GALNTL6: variants seen among roughly 807,000 people sequenced by gnomAD.
The protein encoded by GALNTL6 is polypeptide N-acetylgalactosaminyltransferase-like 6.
In GALNTL6, 46 loss-of-function variants were observed where a neutral mutation model predicts 73.7. That is an observed-to-expected ratio of 0.62 (90% CI 0.49 to 0.80). The LOEUF (loss-of-function observed/expected upper bound fraction) is 0.80, where lower values mean the gene tolerates loss of function less well. Among genes scored for constraint, GALNTL6 ranks in the 30% least tolerant of loss-of-function variants. The pLI, the probability that GALNTL6 is intolerant of heterozygous loss-of-function variation, is 0.00. For missense variants in GALNTL6, 604 were observed against 755.0 expected (o/e 0.80, Z 2.34); for synonymous variants, 259 against 263.7 (o/e 0.98, Z 0.17).
intron 8 of GALNTL6, among the ~76,000 whole-genome samples, chr4:172,900,016 C>G (rs1746540576): frequency 6.6e-6 from 1 of 152,108 alleles, no homozygotes; most frequent in Non-Finnish European, 1.5e-5. Context: ...ATATCTTGTG[C>G]AGACTTCCCA....
intron 5 of GALNTL6, among the ~76,000 whole-genome samples, chr4:172,478,405 C>T (rs1733319510): frequency 6.6e-6 from 1 of 152,076 alleles, no homozygotes; most frequent in Non-Finnish European, 1.5e-5. Context: ...AAAACATGCA[C>T]TAGGGAAAGG....
Position 172,035,739 on chromosome 4 carries a change from C to T in GALNTL6, c.139-193917C>T, listed in dbSNP as rs1741912729. Among the ~76,000 whole-genome samples, 3 of 152,026 alleles carry T rather than the reference C, an allele frequency of 2.0e-5. No homozygotes were observed. In the South Asian group the frequency reaches 6.2e-4, roughly 32 times the overall value. On this transcript the variant is annotated intron_variant, in intron 2 of 12. Transcript: ENST00000506823. The stretch of plus-strand genomic sequence containing the variant: ...TTTCATATTTCATGAGTTCTATTTG[C>T]CTGACTTCAAAATGCCAAATGTGCC...
intron 5 of GALNTL6, among the ~76,000 whole-genome samples, chr4:172,648,530 T>G (rs1269659843): frequency 1.3e-5 from 2 of 152,146 alleles, no homozygotes; most frequent in African/African-American, 4.8e-5. Flanking sequence ...CTAAGGCTTA[T>G]CTTGCCCAAA....
chr4:172,364,723 G>T (rs1479403044), intron 5 of GALNTL6, among the ~76,000 whole-genome samples: 1 of 152,060 alleles, frequency 6.6e-6, no homozygotes, highest in African/African-American at 2.4e-5. Context: ...GTGTGTAGAG[G>T]AATCTGTCTC....
chr4:172,028,897 T>C (rs1741678183), intron 2 of GALNTL6, among the ~76,000 whole-genome samples: 1 of 152,092 alleles, frequency 6.6e-6, no homozygotes, highest in African/African-American at 2.4e-5. Flanking sequence ...CACATTTTTC[T>C]AACATGAATC....
intron 7 of GALNTL6, among the ~76,000 whole-genome samples, chr4:172,850,456 G>C (rs1246361861): frequency 1.3e-5 from 2 of 152,134 alleles, no homozygotes; most frequent in East Asian, 3.9e-4. Flanking sequence ...GTATTAGAAA[G>C]GGAAAAACAA....
intron 11 of GALNTL6, among the ~76,000 whole-genome samples, chr4:173,019,762 C>T (rs1463295748): frequency 1.3e-5 from 2 of 152,182 alleles, no homozygotes; most frequent in African/African-American, 4.8e-5. Flanking sequence ...TTGAGAAGGT[C>T]GCTGTTCACA....
chr4:172,909,337 C>T (rs866611271), intron 8 of GALNTL6, among the ~76,000 whole-genome samples: 26 of 121,452 alleles, frequency 2.1e-4, no homozygotes, highest in African/African-American at 7.2e-4. Context: ...AAGCAATCAA[C>T]GAAAAGGTTA....
Position 171,821,425 on chromosome 4 carries a change from G to T in GALNTL6, c.138+6707G>T, listed in dbSNP as rs547405278. Among the ~76,000 whole-genome samples, 14 of 152,082 alleles carry T rather than the reference G, an allele frequency of 9.2e-5. 1 individual carries two copies. The South Asian group carries it at 2.5e-3, about 27-fold the overall frequency. ...AATATCAGAATTTCTGTAGTATTGG[G>T]TCTTGTTCTCTTTTAGGTCAGAGTG... On this transcript the variant is annotated intron_variant, in intron 2 of 12. Coordinates refer to ENST00000506823, the MANE Select transcript of GALNTL6 (RefSeq NM_001034845.3).
chr4:171,990,373 A>G (rs1207956051), intron 2 of GALNTL6, among the ~76,000 whole-genome samples: 1 of 151,838 alleles, frequency 6.6e-6, no homozygotes, highest in Non-Finnish European at 1.5e-5. Context: ...AACTCAAGAG[A>G]AAGAAATTGG....
chr4:172,790,552 T>C (rs1240002447), intron 5 of GALNTL6, among the ~76,000 whole-genome samples: 2 of 152,050 alleles, frequency 1.3e-5, no homozygotes, highest in Non-Finnish European at 2.9e-5. Context: ...CTATGAGAAA[T>C]AAATGTCTGT....
chr4:171,923,827 T>TGTGTGTG (rs1560843047), intron 2 of GALNTL6, among the ~76,000 whole-genome samples: 31 of 149,338 alleles, frequency 2.1e-4, no homozygotes, highest in Admixed American at 6.1e-4. Context: ...TGTGTGTGTG[T>TGTGTGTG]TTGAAGTTCT....
intron 2 of GALNTL6, among the ~76,000 whole-genome samples, chr4:172,022,045 A>G (rs143276078): frequency 1.1e-3 from 160 of 152,100 alleles, no homozygotes; most frequent in African/African-American, 3.8e-3. Flanking sequence ...CTTGAGTAAT[A>G]CCCCACAAGC....
At chr4:171,921,317 A>G (rs1166858781) in intron 2 of GALNTL6, among the ~76,000 whole-genome samples, 2 of 152,134 alleles carry the variant, frequency 1.3e-5, no homozygotes, top group Non-Finnish European at 1.5e-5. Context: ...ATAAAAATAC[A>G]AAGTGTATTG....
chr4:172,056,967 A>C (rs1461013565), intron 2 of GALNTL6, among the ~76,000 whole-genome samples: 1 of 152,210 alleles, frequency 6.6e-6, no homozygotes, highest in Non-Finnish European at 1.5e-5. Context: ...TTAATGTTAC[A>C]ATATTTTTAA....
chr4:172,483,246 G>C (rs1422994214), intron 5 of GALNTL6, among the ~76,000 whole-genome samples: 1 of 152,116 alleles, frequency 6.6e-6, no homozygotes, highest in Admixed American at 6.5e-5. Context: ...GGTCAGGGGA[G>C]GGGATAAGGG....
At chr4:172,178,806 TC>T (rs1222876795) in intron 2 of GALNTL6, among the ~76,000 whole-genome samples, 1 of 77,754 alleles carries the variant, frequency 1.3e-5, no homozygotes, top group Non-Finnish European at 2.4e-5. Context: ...CCCTCCCCCC[TC>T]CCCCCACCCC....
intron 4 of GALNTL6, among the ~76,000 whole-genome samples, chr4:172,331,925 T>A (rs1038150468): frequency 6.6e-6 from 1 of 152,196 alleles, no homozygotes; most frequent in Non-Finnish European, 1.5e-5. Flanking sequence ...GTACTATTAT[T>A]AATTTTTTAA....
intron 7 of GALNTL6, among the ~76,000 whole-genome samples, chr4:172,854,527 G>A (rs1160852811): frequency 6.6e-6 from 1 of 152,016 alleles, no homozygotes; most frequent in Non-Finnish European, 1.5e-5. Context: ...ATTGCTGTAT[G>A]CTCTCCTGAC....
Sources: gnomAD v4.1 joint callset for allele counts (sites outside exome capture counted in the v4.1 genomes callset) on GRCh38, gnomAD v4.1.1 for gene constraint, MANE v1.5 for transcripts, NCBI Gene and HGNC (gene_info 2026-07-23, HGNC 2026-07-21) for gene names.